ADGRL3: variants seen among roughly 807,000 people sequenced by gnomAD.
ADGRL3 encodes calcium-independent alpha-latrotoxin receptor 3.
ADGRL3 carries 62 observed loss-of-function variants against 153.5 expected under a neutral mutation model. That is an observed-to-expected ratio of 0.40 (90% confidence interval 0.33 to 0.50). The LOEUF (loss-of-function observed/expected upper bound fraction) is 0.50, where lower values mean the gene tolerates loss of function less well. Ranked by LOEUF, ADGRL3 falls within the 20% of genes least tolerant of loss-of-function variation. The pLI, the probability that ADGRL3 is intolerant of heterozygous loss-of-function variation, is 0.47. For missense variants in ADGRL3, 1,641 were observed against 1,859.4 expected (o/e 0.88, Z 2.16); for synonymous variants, 710 against 672.5 (o/e 1.06, Z -0.86).
intron 13 of ADGRL3, among the ~76,000 whole-genome samples, chr4:61,918,496 T>C (rs1170648421): frequency 6.6e-6 from 1 of 151,846 alleles, no homozygotes; most frequent in South Asian, 2.1e-4. Flanking sequence ...AGGGGATGAG[T>C]GTAAAGAGAG....
chr4:61,685,493 G>A (rs1444944322), intron 6 of ADGRL3, among the ~76,000 whole-genome samples: 1 of 152,094 alleles, frequency 6.6e-6, no homozygotes, highest in East Asian at 1.9e-4. Flanking sequence ...GCTTACAGAG[G>A]GTGTGATGAA....
chr4:61,629,973 A>C (rs1474732151), intron 5 of ADGRL3, among the ~76,000 whole-genome samples: 2 of 152,034 alleles, frequency 1.3e-5, no homozygotes, highest in South Asian at 2.1e-4. Context: ...TCTTTGGGCA[A>C]ATGCCTCCCA....
At chr4:61,533,929 T>C (rs1333338423) in intron 4 of ADGRL3, among the ~76,000 whole-genome samples, 1 of 152,152 alleles carries the variant, frequency 6.6e-6, no homozygotes, top group Non-Finnish European at 1.5e-5. Flanking sequence ...GGGATACACG[T>C]GCAGGTTTGT....
chr4:61,905,539 G>T (rs749315375), intron 11 of ADGRL3, among the ~76,000 whole-genome samples: 7 of 152,014 alleles, frequency 4.6e-5, no homozygotes, highest in Non-Finnish European at 1.0e-4. Flanking sequence ...TAGGTATAAA[G>T]ATCCTGACCA....
At chr4:61,224,256 C>T (rs2149072022) in intron 1 of ADGRL3, among the ~76,000 whole-genome samples, 1 of 152,164 alleles carries the variant, frequency 6.6e-6, no homozygotes, top group Admixed American at 6.6e-5. Flanking sequence ...TGGGTGAACT[C>T]ATAAATATTT....
chr4:61,591,575 A>G (rs1024826589), intron 5 of ADGRL3, among the ~76,000 whole-genome samples: 1 of 152,110 alleles, frequency 6.6e-6, no homozygotes, highest in Non-Finnish European at 1.5e-5. Context: ...ATGGAAATAG[A>G]TATGTTGCTT....
chr4:61,213,004 T>C (rs1201220830), intron 1 of ADGRL3, among the ~76,000 whole-genome samples: 2 of 152,186 alleles, frequency 1.3e-5, no homozygotes, highest in Non-Finnish European at 2.9e-5. Flanking sequence ...GAACAGACAT[T>C]TATTCAATGA....
At chr4:61,413,880 A>G (rs1418051064) in intron 2 of ADGRL3, among the ~76,000 whole-genome samples, 1 of 152,200 alleles carries the variant, frequency 6.6e-6, no homozygotes, top group East Asian at 1.9e-4. Context: ...ATCCTTCAGC[A>G]TCTTCTTACA....
intron 9 of ADGRL3, among the ~76,000 whole-genome samples, chr4:61,815,768 A>AG (rs1412660824): frequency 6.6e-6 from 1 of 152,222 alleles, no homozygotes; most frequent in Non-Finnish European, 1.5e-5. Context: ...AAAGGCCTAG[A>AG]GGAAACTAGG....
intron 8 of ADGRL3, among the ~76,000 whole-genome samples, chr4:61,794,175 C>T (rs191239508): frequency 3.3e-5 from 5 of 152,256 alleles, no homozygotes; most frequent in African/African-American, 4.8e-5. Flanking sequence ...GTTTTAAACA[C>T]GTGAACTAGT....
intron 17 of ADGRL3, among the ~76,000 whole-genome samples, chr4:61,962,564 T>C (rs2098991902): frequency 1.3e-5 from 2 of 152,180 alleles, no homozygotes; most frequent in Admixed American, 6.5e-5. Flanking sequence ...TGTAGAATGT[T>C]CACAGTCACA....
chr4:61,497,392 C>T, intron 3 of ADGRL3, 44 bp downstream of exon 3: 2 of 1,239,582 alleles, frequency 1.6e-6, no homozygotes, highest in Non-Finnish European at 2.3e-6. Context: ...TGTTGTCTCA[C>T]TTATTCATAC....
chr4:61,373,778 T>G (rs2096569766), intron 1 of ADGRL3, among the ~76,000 whole-genome samples: 1 of 152,194 alleles, frequency 6.6e-6, no homozygotes, highest in South Asian at 2.1e-4. Context: ...TGTGGATGCA[T>G]TAACTTTTTC....
intron 5 of ADGRL3, among the ~76,000 whole-genome samples, chr4:61,619,550 C>G (rs563536703): frequency 6.6e-6 from 1 of 151,078 alleles, no homozygotes; most frequent in African/African-American, 2.4e-5. Context: ...CACACACACT[C>G]TAATCATAAC....
At chr4:61,871,137 G>A (rs545545757) in intron 9 of ADGRL3, among the ~76,000 whole-genome samples, 6 of 152,218 alleles carry the variant, frequency 3.9e-5, no homozygotes, top group Admixed American at 1.3e-4. Context: ...AATTAGCCAG[G>A]TGTGGTGGCG....
rs557830847 is a variant in ADGRL3, at chr4:61,562,888, T to G, written c.260-24339T>G. Reference sequence around the variant, plus strand: ...TGAACCTAGCAGTTCACAGCTGCAATGAGCTATGATTGCACCATTGCACTC... The same window carrying G: ...TGAACCTAGCAGTTCACAGCTGCAAGGAGCTATGATTGCACCATTGCACTC... On this transcript the variant is annotated intron_variant, in intron 4 of 26. Transcript: ENST00000683033. 1.2e-4 allele frequency among the ~76,000 whole-genome samples: 18 copies of G among 144,896 alleles called. No individual in the cohort carries two copies. The South Asian group carries it at 3.9e-3, about 31-fold the overall frequency.
chr4:61,423,861 G>T (rs910191726), intron 2 of ADGRL3, among the ~76,000 whole-genome samples: 1 of 152,162 alleles, frequency 6.6e-6, no homozygotes, highest in Non-Finnish European at 1.5e-5. Flanking sequence ...ATAAGCCATG[G>T]AAGGAGCACA....
chr4:61,872,224 GTCA>G (rs2098449787), intron 9 of ADGRL3, among the ~76,000 whole-genome samples: 1 of 152,112 alleles, frequency 6.6e-6, no homozygotes, highest in Admixed American at 6.6e-5. Context: ...TGATAAATAA[GTCA>G]GTAAAGGAAG....
At chr4:61,916,115 T>G (rs1035728180) in intron 13 of ADGRL3, among the ~76,000 whole-genome samples, 7 of 152,168 alleles carry the variant, frequency 4.6e-5, no homozygotes, top group Non-Finnish European at 1.0e-4. Flanking sequence ...ATTTTAACTA[T>G]CAGTTGTCAA....
Sources: allele counts gnomAD v4.1 joint callset (sites outside exome capture counted in the v4.1 genomes callset), GRCh38; gene constraint gnomAD v4.1.1; transcripts MANE v1.5; gene names NCBI Gene and HGNC (gene_info 2026-07-23, HGNC 2026-07-21).